The following ALK variants were observed in gnomAD, a reference collection of about 807,000 sequenced individuals.
The protein encoded by ALK is ALK tyrosine kinase receptor.
Under a neutral mutation model 163.1 loss-of-function variants are expected in ALK, and 74 were observed. The ratio of observed to expected loss-of-function variants is 0.45; its 90% confidence interval spans 0.38 to 0.55. The LOEUF (loss-of-function observed/expected upper bound fraction) is 0.55. Among genes scored for constraint, ALK ranks in the 20% least tolerant of loss-of-function variants. The pLI, the probability that ALK is intolerant of heterozygous loss-of-function variation, is 0.00. For synonymous variants in ALK, 960 were observed against 843.2 expected (o/e 1.14, Z -2.40); for missense variants, 2,063 against 2,105.3 (o/e 0.98, Z 0.39).
At chr2:29,404,307 CA>C (rs11297118) in intron 4 of ALK, among the ~76,000 whole-genome samples, 58,886 of 135,120 alleles carry the variant, frequency 0.44, 13,726 homozygotes, top group East Asian at 0.91. Context: ...GACTCCGTCT[CA>C]AAAAAAAAAA....
intron 1 of ALK, among the ~76,000 whole-genome samples, chr2:29,884,183 AC>A (rs536526998): frequency 6.8e-4 from 104 of 152,336 alleles, no homozygotes; most frequent in African/African-American, 2.0e-3. Flanking sequence ...GTTAAAAAAA[AC>A]ATGAGTAGTT....
At chr2:29,201,739 A>G (rs1382812580) in intron 26 of ALK, among the ~76,000 whole-genome samples, 3 of 151,348 alleles carry the variant, frequency 2.0e-5, no homozygotes, top group Non-Finnish European at 4.4e-5. Context: ...GTGAGCTGAG[A>G]TGGCGCCACT....
At chr2:29,902,529 C>G (rs1667442366) in intron 1 of ALK, among the ~76,000 whole-genome samples, 1 of 152,176 alleles carries the variant, frequency 6.6e-6, no homozygotes, top group South Asian at 2.1e-4. Context: ...TGCCTGTTTC[C>G]TGCTGCAAGA....
chr2:29,393,825 G>A (rs1669239262), intron 4 of ALK, among the ~76,000 whole-genome samples: 3 of 152,190 alleles, frequency 2.0e-5, no homozygotes, highest in Admixed American at 2.0e-4. Flanking sequence ...ATAGGCAGGA[G>A]AACATTTGAA....
chr2:29,639,091 C>T (rs1676626937), intron 3 of ALK, among the ~76,000 whole-genome samples: 1 of 152,134 alleles, frequency 6.6e-6, no homozygotes, highest in Admixed American at 6.5e-5. Flanking sequence ...CTAATTCTGA[C>T]CTTATAGTAG....
At chr2:29,726,151 C>T (rs1679567975) in intron 1 of ALK, among the ~76,000 whole-genome samples, 2 of 152,154 alleles carry the variant, frequency 1.3e-5, no homozygotes. Context: ...TGATTCTTAA[C>T]ACACCCGCAC....
At chr2:29,469,601 C>A (rs903487248) in intron 4 of ALK, among the ~76,000 whole-genome samples, 1 of 152,170 alleles carries the variant, frequency 6.6e-6, no homozygotes, top group Non-Finnish European at 1.5e-5. Flanking sequence ...CACCATCCCC[C>A]TCCTTGACAT....
Position 29,668,935 on chromosome 2 carries a change from C to G in ALK, c.952+25915G>C, listed in dbSNP as rs551952972. Among the ~76,000 whole-genome samples the G allele has an allele frequency of 4.3e-4, 65 of 152,172 alleles. 1 individual carries two copies. The highest frequency in any genetic ancestry group is 1.3e-3 in the African/African-American group (53 of 41,538). ...CTTTACGCTATGTAAGACTTATTCA[C>G]TATCACAAGAACAGCAGGAAAGACC... is the stretch of plus-strand genomic sequence containing the variant. On this transcript the variant is annotated intron_variant, in intron 3 of 28. Coordinates refer to ENST00000389048, the MANE Select transcript of ALK (RefSeq NM_004304.5).
At chr2:29,814,666 A>G (rs1664849261) in intron 1 of ALK, among the ~76,000 whole-genome samples, 1 of 151,806 alleles carries the variant, frequency 6.6e-6, no homozygotes. Flanking sequence ...TCTCCAAAAA[A>G]AGAAAAAAAA....
intron 1 of ALK, among the ~76,000 whole-genome samples, chr2:29,878,969 G>A (rs369348358): frequency 3.3e-5 from 5 of 152,240 alleles, no homozygotes; most frequent in South Asian, 2.1e-4. Context: ...GGCTAAAGTC[G>A]AAGCAGAAAA....
intron 3 of ALK, among the ~76,000 whole-genome samples, chr2:29,576,066 A>G (rs1379618639): frequency 6.6e-6 from 1 of 152,230 alleles, no homozygotes. Flanking sequence ...ATCCCATTTC[A>G]TAATTAGCCA....
chr2:29,382,860 A>G (rs1342959825), intron 5 of ALK, among the ~76,000 whole-genome samples: 1 of 152,198 alleles, frequency 6.6e-6, no homozygotes, highest in East Asian at 1.9e-4. Context: ...ACGAAAACAA[A>G]ATACACTATA....
intron 1 of ALK, among the ~76,000 whole-genome samples, chr2:29,875,596 C>T (rs77875900): frequency 0.014 from 2,153 of 152,102 alleles, 40 homozygotes; most frequent in African/African-American, 0.043. Context: ...CCCCTACCCC[C>T]GACAGGCCCC....
chr2:29,769,557 G>A lies in ALK; in HGVS notation c.668-51860C>T, dbSNP rs548474373. On this transcript the variant is annotated intron_variant, in intron 1 of 28. Coordinates refer to ENST00000389048, the MANE Select transcript of ALK (RefSeq NM_004304.5). ...CAGCACCTAGCCCCAGGCCTGGCTC[G>A]GCTACTGAACAGACCTCAGGGTAGT... is the stretch of plus-strand genomic sequence containing the variant. Among the ~76,000 whole-genome samples, 14 of 152,146 alleles carry A rather than the reference G, an allele frequency of 9.2e-5. No homozygotes were observed. The East Asian group carries it at 1.5e-3, about 17-fold the overall frequency.
chr2:29,720,620 G>A (rs1027588295), intron 1 of ALK, among the ~76,000 whole-genome samples: 6 of 152,310 alleles, frequency 3.9e-5, no homozygotes, highest in Admixed American at 2.6e-4. Flanking sequence ...AAAATCGGAA[G>A]CATTGGAACA....
intron 5 of ALK, among the ~76,000 whole-genome samples, chr2:29,341,744 G>T (rs1188395068): frequency 3.3e-5 from 5 of 152,214 alleles, no homozygotes; most frequent in Admixed American, 1.3e-4. Context: ...GGTGTCCTTG[G>T]AGGAAATGTA....
At chr2:29,272,103 T>C (rs991583630) in intron 11 of ALK, among the ~76,000 whole-genome samples, 1 of 149,586 alleles carries the variant, frequency 6.7e-6, no homozygotes, top group Non-Finnish European at 1.5e-5. Flanking sequence ...ACTGCTAACA[T>C]TCATTACTGC....
chr2:29,472,821 T>C (rs982235171), intron 4 of ALK, among the ~76,000 whole-genome samples: 3 of 151,896 alleles, frequency 2.0e-5, no homozygotes, highest in Admixed American at 1.3e-4. Context: ...TTGGCAAGAA[T>C]ACAAAGAAAA....
chr2:29,717,227 G>A (rs1679287991), intron 2 of ALK, among the ~76,000 whole-genome samples: 1 of 151,060 alleles, frequency 6.6e-6, no homozygotes, highest in South Asian at 2.1e-4. Flanking sequence ...GAAACACTGT[G>A]GGTTAGAACC....
Sources: gnomAD v4.1 joint callset for allele counts (sites outside exome capture counted in the v4.1 genomes callset) on GRCh38, gnomAD v4.1.1 for gene constraint, MANE v1.5 for transcripts, NCBI Gene and HGNC (gene_info 2026-07-23, HGNC 2026-07-21) for gene names.